Variants in SSBP2 observed in about 807,000 individuals in gnomAD.
SSBP2 encodes single-stranded DNA-binding protein 2.
In SSBP2, 17 loss-of-function variants were observed where a neutral mutation model predicts 61.8. That is an observed-to-expected ratio of 0.28 (90% CI 0.19 to 0.41). SSBP2 has a LOEUF of 0.41. SSBP2 is among the 10% of genes least tolerant of loss of function. The pLI, the probability that SSBP2 is intolerant of heterozygous loss-of-function variation, is 1.00. For synonymous variants in SSBP2, 139 were observed against 141.3 expected, an observed-to-expected ratio of 0.98 and a Z score of 0.12; for missense variants, 310 against 458.7, an observed-to-expected ratio of 0.68 and a Z score of 2.96.
Position 81,483,633 on chromosome 5 carries a change from C to T in SSBP2, c.432+5617G>A, listed in dbSNP as rs986189510. On this transcript the variant is annotated intron_variant, in intron 6 of 16. Coordinates refer to ENST00000320672, the MANE Select transcript of SSBP2 (RefSeq NM_012446.5). ...TGGCTTTTGGACCTAAGATGCCAGA[C>T]GCATTTAGGTGCTTTCAACACCACT... is the stretch of plus-strand genomic sequence containing the variant. 3.0e-4 allele frequency among the ~76,000 whole-genome samples: 46 copies of T among 152,056 alleles called. 1 individual carries two copies. The highest frequency in any genetic ancestry group is 2.0e-3 in the Admixed American group (30 of 15,254).
chr5:81,485,433 G>C (rs1766310126), intron 6 of SSBP2, among the ~76,000 whole-genome samples: 1 of 152,052 alleles, frequency 6.6e-6, no homozygotes, highest in South Asian at 2.1e-4. Context: ...CATAAAAATG[G>C]TTTCAGGGGA....
At position 81,744,638 on chromosome 5, in the gene SSBP2, T is replaced by C. The variant is rs561375202; in HGVS notation, c.62+6343A>G. ...AAAAAAAAAACAAAGGGCTATATTT[T>C]AGCCTCTACAATTTTTTTTCTGTGC... On this transcript the variant is annotated intron_variant, in intron 1 of 16. Transcript: ENST00000320672. Among the ~76,000 whole-genome samples the C allele has an allele frequency of 2.6e-5, 4 of 152,258 alleles. 1 individual carries two copies. In the East Asian group the frequency reaches 5.8e-4, roughly 22 times the overall value.
intron 6 of SSBP2, among the ~76,000 whole-genome samples, chr5:81,480,214 T>C (rs576513207): frequency 1.9e-4 from 29 of 152,196 alleles, no homozygotes; most frequent in Non-Finnish European, 2.8e-4. Flanking sequence ...AAAGAATGCA[T>C]CATAACTTCA....
At chr5:81,559,447 TG>T (rs1355021973) in intron 4 of SSBP2, among the ~76,000 whole-genome samples, 2 of 151,234 alleles carry the variant, frequency 1.3e-5, no homozygotes, top group Non-Finnish European at 2.9e-5. Context: ...CCCAGCTATT[TG>T]GGAGGCTGAG....
intron 4 of SSBP2, among the ~76,000 whole-genome samples, chr5:81,592,389 G>A (rs1327382640): frequency 6.6e-6 from 1 of 152,250 alleles, no homozygotes; most frequent in East Asian, 1.9e-4. Context: ...AGGCCTGCCT[G>A]CCTCTGTAGG....
At chr5:81,441,682 T>A (rs892879884) in intron 13 of SSBP2, among the ~76,000 whole-genome samples, 1 of 152,194 alleles carries the variant, frequency 6.6e-6, no homozygotes, top group African/African-American at 2.4e-5. Context: ...CCATGGGCAA[T>A]ACAAACCACA....
chr5:81,445,138 T>TTATATATATATATATATATA (rs1160080305), intron 12 of SSBP2, among the ~76,000 whole-genome samples: 12 of 33,876 alleles, frequency 3.5e-4, no homozygotes, highest in Middle Eastern at 0.026. Context: ...AAAAAAAATT[T>TTATATATATATATATATATA]TATATATATA....
At chr5:81,751,224 C>G (rs1757747536), upstream of SSBP2, 2 of 635,092 alleles carry the variant, frequency 3.1e-6, no homozygotes. Context: ...CTCCCTCTGG[C>G]CTTCCGAAGC....
intron 1 of SSBP2, among the ~76,000 whole-genome samples, chr5:81,657,561 A>G (rs527599294): frequency 6.6e-6 from 1 of 152,266 alleles, no homozygotes; most frequent in Non-Finnish European, 1.5e-5. Context: ...ATGGGGCAGA[A>G]AAACTAAGTA....
intron 4 of SSBP2, among the ~76,000 whole-genome samples, chr5:81,547,500 G>T (rs535141057): frequency 6.6e-5 from 10 of 151,956 alleles, no homozygotes; most frequent in Non-Finnish European, 1.2e-4. Flanking sequence ...AGGATCTCAC[G>T]CTGTTGCCCA....
chr5:81,582,231 G>A (rs901167379), intron 4 of SSBP2, among the ~76,000 whole-genome samples: 1 of 152,042 alleles, frequency 6.6e-6, no homozygotes, highest in Non-Finnish European at 1.5e-5. Flanking sequence ...AATACTAAAA[G>A]TAAAATAAAT....
chr5:81,609,621 T>G (rs1041714661), intron 4 of SSBP2, among the ~76,000 whole-genome samples: 1 of 152,128 alleles, frequency 6.6e-6, no homozygotes, highest in Admixed American at 6.5e-5. Context: ...GCATCCCTGG[T>G]GAAACCCCAC....
intron 1 of SSBP2, among the ~76,000 whole-genome samples, chr5:81,731,795 A>G (rs915397340): frequency 5.3e-5 from 8 of 151,244 alleles, no homozygotes; most frequent in African/African-American, 1.9e-4. Context: ...TAAACCCCAA[A>G]CAGAATTGTC....
intron 1 of SSBP2, among the ~76,000 whole-genome samples, chr5:81,740,284 C>T (rs1381870555): frequency 6.6e-6 from 1 of 150,592 alleles, no homozygotes; most frequent in African/African-American, 2.4e-5. Flanking sequence ...AATACAGTAT[C>T]AGTCACTAAG....
At chr5:81,463,971 G>T (rs1242649487) in intron 9 of SSBP2, among the ~76,000 whole-genome samples, 1 of 151,802 alleles carries the variant, frequency 6.6e-6, no homozygotes, top group South Asian at 2.1e-4. Context: ...GTCTCCCTAT[G>T]TTGCCCAGGC....
intron 4 of SSBP2, among the ~76,000 whole-genome samples, chr5:81,533,942 G>A (rs1770606916): frequency 1.3e-5 from 2 of 152,042 alleles, no homozygotes; most frequent in South Asian, 4.1e-4. Flanking sequence ...CTTGCTTCTG[G>A]CAAGGGAAAA....
At chr5:81,426,828 G>A (rs550625961) in intron 16 of SSBP2, among the ~76,000 whole-genome samples, 1 of 152,290 alleles carries the variant, frequency 6.6e-6, no homozygotes, top group South Asian at 2.1e-4. Context: ...TCTTGTCACT[G>A]CCCATAAGTG....
chr5:81,550,146 C>T (rs922983381), intron 4 of SSBP2, among the ~76,000 whole-genome samples: 8 of 152,174 alleles, frequency 5.3e-5, no homozygotes, highest in African/African-American at 9.7e-5. Context: ...ACCTATGTTG[C>T]TGTACACGAA....
intron 6 of SSBP2, among the ~76,000 whole-genome samples, chr5:81,488,367 A>G (rs1766591367): frequency 6.6e-6 from 1 of 151,990 alleles, no homozygotes; most frequent in Admixed American, 6.6e-5. Flanking sequence ...TTTTCTTTAC[A>G]TACTTGGTAA....
Sources: allele counts gnomAD v4.1 joint callset (sites outside exome capture counted in the v4.1 genomes callset), GRCh38; gene constraint gnomAD v4.1.1; transcripts MANE v1.5; gene names NCBI Gene and HGNC (gene_info 2026-07-23, HGNC 2026-07-21).